HFM1: variants seen among roughly 807,000 people sequenced by gnomAD.
HFM1 encodes the protein probable ATP-dependent DNA helicase HFM1.
A neutral mutation model predicts 192.1 loss-of-function variants in HFM1; 169 were observed. The ratio of observed to expected loss-of-function variants is 0.88; its 90% CI spans 0.78 to 1.00. HFM1 has a LOEUF of 1.00. Ranked by LOEUF, HFM1 falls within the 50% of genes least tolerant of loss-of-function variation. The pLI is 0.00. For missense variants in HFM1, 1,661 were observed against 1,668.0 expected (o/e 1.00, Z 0.07); for synonymous variants, 525 against 537.8 (o/e 0.98, Z 0.33).
intron 13 of HFM1, among the ~76,000 whole-genome samples, chr1:91,368,034 A>G (rs560818901): frequency 6.6e-6 from 1 of 151,964 alleles, no homozygotes; most frequent in Admixed American, 6.6e-5. Flanking sequence ...AAATGAAGTG[A>G]GAAGTTTAGA....
chr1:91,276,964 T>G lies in HFM1; in HGVS notation c.3472+18A>C. 1 of 1,471,026 alleles carries G rather than the reference T, an allele frequency of 6.8e-7. No homozygotes were observed. Among genetic ancestry groups the G allele is most frequent in the Non-Finnish European group, 9.3e-7 (1 of 1,073,678 alleles). The allele number at this position is 1,471,026 out of a possible 1,614,324, so 91.1% of individuals were successfully genotyped here. A position where few individuals can be genotyped will look rare whatever the true frequency, so the allele number is the denominator to read the frequency against. Reference sequence around the variant, plus strand: ...TCAATTTTGAACACTTTAAATAAACTTGTTTTAAGGAACTCACAGCAGTCA... The same window carrying G: ...TCAATTTTGAACACTTTAAATAAACGTGTTTTAAGGAACTCACAGCAGTCA... On this transcript the variant is annotated intron_variant, in intron 31 of 38. Transcript: ENST00000370425.
chr1:91,267,056 G>T (rs1345597846), intron 35 of HFM1, among the ~76,000 whole-genome samples: 2 of 152,234 alleles, frequency 1.3e-5, no homozygotes, highest in Admixed American at 1.3e-4. Flanking sequence ...AAGGCTGAGG[G>T]ACTGATTTAT....
At chr1:91,389,938 G>C (rs75522202) in intron 4 of HFM1, among the ~76,000 whole-genome samples, 6,154 of 152,202 alleles carry the variant, frequency 0.04, 163 homozygotes, top group South Asian at 0.07. Flanking sequence ...TAAATATAAA[G>C]TTACCATATG....
chr1:91,386,708 G>A (rs1185421832), intron 4 of HFM1, among the ~76,000 whole-genome samples: 1 of 149,488 alleles, frequency 6.7e-6, no homozygotes, highest in African/African-American at 2.5e-5. Flanking sequence ...ACACCTAATA[G>A]TATTTAAATT....
intron 13 of HFM1, among the ~76,000 whole-genome samples, 175 bp from the exon 14 acceptor site, chr1:91,353,474 T>A (rs1004432416): frequency 4.0e-5 from 6 of 151,598 alleles, no homozygotes; most frequent in Non-Finnish European, 7.4e-5. Context: ...TCCCTAAACT[T>A]ATGAGCTACA....
rs1490636287 is a variant in HFM1, at chr1:91,319,108, G to T, written c.2782C>A (p.Leu928Met). 1.9e-6 allele frequency: 3 copies of T among 1,608,730 alleles called. No homozygotes were observed. Among genetic ancestry groups the T allele is most frequent in the Non-Finnish European group, 2.5e-6 (3 of 1,178,574 alleles). The change falls in exon 25 of 39, where the codon CTG becomes ATG. Residue 928 changes from leucine (L) to methionine (M), a missense_variant. Physicochemically the swap from Leu to Met is conservative, Grantham distance 15. Transcript: ENST00000370425. ...TTTTCCAGTTGTTTGGATACATGCA[G>T]AGAGTTTTCCCAAAGTTTACACCTA... ...CFRCKLWENS[L>M]HVSKQLEKIG...
At position 91,385,832 on chromosome 1, in the gene HFM1, A is replaced by G; in HGVS notation, c.497T>C (p.Leu166Ser). Residue 166 changes from leucine to serine, a missense_variant and splice_region_variant, in exon 5 of 39, where the codon TTA (leucine) becomes TCA (serine). Transcript: ENST00000370425. ...GESTSVFRKRLFKISDNIHGS... is the reference protein window; with the variant it reads ...GESTSVFRKRSFKISDNIHGS... ...ATGTATATTGTCAGATATTTTAAAT[A>G]ATCTGCAAACAAAAAAAAGACCCAC... is the stretch of plus-strand genomic sequence containing the variant. 6.3e-7 allele frequency: 1 copy of G among 1,589,026 alleles called. No individual in the cohort carries two copies. Among genetic ancestry groups the G allele is most frequent in the Non-Finnish European group, 8.6e-7 (1 of 1,166,832 alleles).
At chr1:91,342,202 A>G (rs1020374707) in intron 20 of HFM1, among the ~76,000 whole-genome samples, 17 of 151,950 alleles carry the variant, frequency 1.1e-4, no homozygotes, top group Admixed American at 5.9e-4. Context: ...TCAACAAAAT[A>G]CTAGCAAACC....
intron 30 of HFM1, among the ~76,000 whole-genome samples, chr1:91,291,442 G>C (rs1185384030): frequency 6.6e-6 from 1 of 152,150 alleles, no homozygotes; most frequent in Non-Finnish European, 1.5e-5. Context: ...AAATAAACTA[G>C]AAAATCTGGA....
intron 19 of HFM1, among the ~76,000 whole-genome samples, chr1:91,345,162 T>A (rs767902965): frequency 2.0e-5 from 3 of 152,140 alleles, no homozygotes; most frequent in Non-Finnish European, 4.4e-5. Context: ...AACAACATCA[T>A]AGAATCATTT....
intron 30 of HFM1, among the ~76,000 whole-genome samples, chr1:91,300,683 C>A (rs901046660): frequency 1.3e-5 from 2 of 152,130 alleles, no homozygotes; most frequent in East Asian, 1.9e-4. Context: ...ACAACAAAAA[C>A]CACACGATTA....
At chr1:91,337,038 C>T (rs979168446) in intron 20 of HFM1, among the ~76,000 whole-genome samples, 13 of 152,096 alleles carry the variant, frequency 8.5e-5, no homozygotes, top group East Asian at 1.9e-4. Context: ...AATGAGAACA[C>T]GTGGACGCGT....
intron 30 of HFM1, among the ~76,000 whole-genome samples, chr1:91,293,076 G>C (rs1193138934): frequency 6.6e-6 from 1 of 152,152 alleles, no homozygotes; most frequent in Non-Finnish European, 1.5e-5. Context: ...AGACTTGAAC[G>C]TTAGACCTAA....
intron 30 of HFM1, among the ~76,000 whole-genome samples, chr1:91,307,029 C>T (rs1232461369): frequency 6.6e-6 from 1 of 152,064 alleles, no homozygotes; most frequent in Non-Finnish European, 1.5e-5. Context: ...TTTTGATATA[C>T]AATGTAATAT....
chr1:91,296,151 C>A (rs959527734), intron 30 of HFM1, among the ~76,000 whole-genome samples: 1 of 152,168 alleles, frequency 6.6e-6, no homozygotes, highest in Non-Finnish European at 1.5e-5. Flanking sequence ...AATCTCCTGA[C>A]CTCATGATCC....
At chr1:91,366,423 A>G (rs1659319296) in intron 13 of HFM1, among the ~76,000 whole-genome samples, 1 of 152,226 alleles carries the variant, frequency 6.6e-6, no homozygotes, top group Non-Finnish European at 1.5e-5. Flanking sequence ...TTTCTGACAA[A>G]AAGTGATATG....
At position 91,315,882 on chromosome 1, in the gene HFM1, C is replaced by T. The variant is rs764895405; in HGVS notation, c.3073G>A (p.Asp1025Asn). The T allele has an allele frequency of 3.9e-5, 62 of 1,610,290 alleles. 2 individuals carry two copies. The East Asian group carries it at 7.4e-4, about 19-fold the overall frequency. ...EQLQTKRTAS[D>N]SHYVTLIIGD... The stretch of plus-strand genomic sequence containing the variant: ...ATGATTAAGGTAACATAGTGAGAAT[C>T]CGATGCTGTTCTTTTAGTTTGTAGC... Residue 1025 changes from aspartate to asparagine, a missense_variant, in exon 28 of 39, where the codon GAT (aspartate) becomes AAT (asparagine). By Grantham distance (23) the Asp-to-Asn change is conservative. Coordinates refer to ENST00000370425, the MANE Select transcript of HFM1 (RefSeq NM_001017975.6).
At chr1:91,361,600 C>T (rs1023648551) in intron 13 of HFM1, among the ~76,000 whole-genome samples, 1 of 152,050 alleles carries the variant, frequency 6.6e-6, no homozygotes, top group African/African-American at 2.4e-5. Context: ...CCAGAAAGAT[C>T]CACAGCTAAA....
intron 30 of HFM1, among the ~76,000 whole-genome samples, chr1:91,282,807 A>G (rs1398858815): frequency 6.6e-6 from 1 of 152,232 alleles, no homozygotes; most frequent in Non-Finnish European, 1.5e-5. Flanking sequence ...CTGTTTTAAA[A>G]TGAAGAATAA....
Sources: gnomAD v4.1 joint callset for allele counts (sites outside exome capture counted in the v4.1 genomes callset) on GRCh38, gnomAD v4.1.1 for gene constraint, MANE v1.5 for transcripts, NCBI Gene and HGNC (gene_info 2026-07-23, HGNC 2026-07-21) for gene names.